The following COBL variants were observed in gnomAD, a reference collection of about 807,000 sequenced individuals.
COBL encodes the protein protein cordon-bleu.
A neutral mutation model predicts 98.8 loss-of-function variants in COBL; 51 were observed. That is an observed-to-expected ratio of 0.52 (90% CI 0.41 to 0.65). The LOEUF is 0.65. Among genes scored for constraint, COBL ranks in the 30% least tolerant of loss-of-function variants. The pLI is 0.00. For synonymous variants in COBL, 634 were observed against 651.7 expected (o/e 0.97, Z 0.41); for missense variants, 1,617 against 1,617.5 (o/e 1.00, Z 0.01).
Position 51,018,908 on chromosome 7 carries a change from ATATATATAT to A in COBL, c.3769-1349_3769-1341del, listed in dbSNP as rs1786613143. ...CTCCATCTCAAAAAAAAAAAAAAAT[ATATATATAT>A]ATATATATATATATATATATATATA... is the stretch of plus-strand genomic sequence containing the variant. On this transcript the variant is annotated intron_variant, in intron 12 of 12. Transcript: ENST00000265136. Among the ~76,000 whole-genome samples, 29 of 30,262 alleles carry A rather than the reference ATATATATAT, an allele frequency of 9.6e-4. 6 individuals carry two copies. The highest frequency in any genetic ancestry group is 2.3e-3 in the South Asian group (2 of 856). 19.9% of individuals were successfully genotyped at this position (30,262 alleles called of 152,430 possible).
Position 51,153,581 on chromosome 7 carries a change from T to C in COBL, c.784-17250A>G, listed in dbSNP as rs146319276. The stretch of plus-strand genomic sequence containing the variant: ...GCTCCGTGACCTACAATCTCATAGA[T>C]AGGCTTCTCTTCTCTTCTTTTACAC... On this transcript the variant is annotated intron_variant, in intron 5 of 12. Transcript: ENST00000265136. Among the ~76,000 whole-genome samples, 273 of 152,366 alleles carry C rather than the reference T, an allele frequency of 1.8e-3. 1 individual carries two copies. The highest frequency in any genetic ancestry group is 6.2e-3 in the African/African-American group (257 of 41,584).
intron 7 of COBL, among the ~76,000 whole-genome samples, chr7:51,084,181 G>C (rs555167764): frequency 9.2e-5 from 14 of 152,192 alleles, no homozygotes; most frequent in Admixed American, 2.6e-4. Context: ...TAAGGGGAAA[G>C]ACGCTGACAA....
At chr7:51,124,288 T>C (rs1185737172) in intron 6 of COBL, among the ~76,000 whole-genome samples, 1 of 152,154 alleles carries the variant, frequency 6.6e-6, no homozygotes, top group Non-Finnish European at 1.5e-5. Context: ...CACATGCAAT[T>C]TGTCTGGCAC....
chr7:51,147,925 G>A (rs1274667619), intron 5 of COBL, among the ~76,000 whole-genome samples: 1 of 151,400 alleles, frequency 6.6e-6, no homozygotes, highest in Non-Finnish European at 1.5e-5. Flanking sequence ...TAAGTTTTTT[G>A]CATTTTTATT....
chr7:51,017,586 TCA>T lies in COBL; in HGVS notation c.3769-20_3769-19del, dbSNP rs775168076. On this transcript the variant is annotated intron_variant, in intron 12 of 12. Transcript: ENST00000265136. ...AAGGGCACCTGCAGGGAAGAGAGAT[TCA>T]CAGTTATTTGGTATGTCAATAAGCC... 2.7e-5 allele frequency: 43 copies of T among 1,613,674 alleles called. No homozygotes were observed. The highest frequency in any genetic ancestry group is 3.3e-5 in the Non-Finnish European group (39 of 1,179,720).
At chr7:51,187,837 C>T in intron 4 of COBL, 4 of 1,115,378 alleles carry the variant, frequency 3.6e-6, no homozygotes, top group Non-Finnish European at 4.5e-6. Context: ...AAAACATCAC[C>T]TCTGTGCAGC....
chr7:51,049,351 A>G (rs1458231714), intron 7 of COBL, among the ~76,000 whole-genome samples: 1 of 152,174 alleles, frequency 6.6e-6, no homozygotes, highest in Non-Finnish European at 1.5e-5. Flanking sequence ...ATGAAGGAGA[A>G]GGAGGGCATC....
intron 7 of COBL, among the ~76,000 whole-genome samples, chr7:51,059,266 T>C (rs1791083296): frequency 3.9e-5 from 6 of 152,272 alleles, no homozygotes. Flanking sequence ...TTTTGGTCTT[T>C]ATTTCGATGT....
At chr7:51,316,488 G>C in intron 1 of COBL, 105 bp downstream of exon 1, 1 of 839,970 alleles carries the variant, frequency 1.2e-6, no homozygotes, top group Non-Finnish European at 1.6e-6. Flanking sequence ...AGCACCCGCT[G>C]GGGCGGCAGA....
chr7:51,263,616 G>C (rs773058821), intron 1 of COBL, among the ~76,000 whole-genome samples: 1 of 152,002 alleles, frequency 6.6e-6, no homozygotes, highest in Non-Finnish European at 1.5e-5. Context: ...AGTGCTTTTA[G>C]TTGAAGCTTT....
At chr7:51,105,621 T>G (rs1337314266) in intron 6 of COBL, among the ~76,000 whole-genome samples, 9 of 151,970 alleles carry the variant, frequency 5.9e-5, no homozygotes. Flanking sequence ...TGTGGTGACA[T>G]GCACCTGTGG....
chr7:51,016,828 G>T lies in COBL; in HGVS notation c.*723C>A. The T allele has an allele frequency of 2.5e-6, 1 of 397,972 alleles. No homozygotes were observed. Among genetic ancestry groups the T allele is most frequent in the South Asian group, 1.4e-4 (1 of 7,252 alleles). The allele number at this position is 397,972 out of a possible 1,614,324, so 24.7% of individuals were successfully genotyped here. A position where few individuals can be genotyped will look rare whatever the true frequency, so the allele number is the denominator to read the frequency against. On this transcript the variant is annotated 3_prime_UTR_variant, in exon 13 of 13. Coordinates refer to ENST00000265136, the MANE Select transcript of COBL (RefSeq NM_015198.5). ...TGCCCATCCACTCCAGTGGTGGTGT[G>T]ACCTCAGCCACCCGCCACCCTTGCA...
At chr7:51,297,582 G>A (rs1027598360) in intron 1 of COBL, among the ~76,000 whole-genome samples, 16 of 151,874 alleles carry the variant, frequency 1.1e-4, no homozygotes, top group East Asian at 1.9e-4. Context: ...TAGTAGAGAC[G>A]GGGTTTTGCC....
At chr7:51,201,481 A>G (rs568380960) in intron 2 of COBL, among the ~76,000 whole-genome samples, 1 of 152,318 alleles carries the variant, frequency 6.6e-6, no homozygotes, top group African/African-American at 2.4e-5. Flanking sequence ...GAAGGGAGAA[A>G]GAGACAGCAA....
At chr7:51,193,046 G>A (rs1232436036) in intron 3 of COBL, among the ~76,000 whole-genome samples, 1 of 152,048 alleles carries the variant, frequency 6.6e-6, no homozygotes, top group East Asian at 1.9e-4. Context: ...TTTTAAAAAA[G>A]CTGCATGCAG....
intron 2 of COBL, 120 bp downstream of exon 2, chr7:51,219,621 G>T: frequency 9.6e-7 from 1 of 1,045,320 alleles, no homozygotes. Context: ...ATATCCATGA[G>T]GTTCCTGAGG....
chr7:51,233,376 A>T (rs1794945228), intron 1 of COBL, among the ~76,000 whole-genome samples: 1 of 152,024 alleles, frequency 6.6e-6, no homozygotes. Flanking sequence ...AAGGATGGTG[A>T]TTTGCCTTCA....
At chr7:51,082,482 G>A (rs992765116) in intron 7 of COBL, among the ~76,000 whole-genome samples, 2 of 152,204 alleles carry the variant, frequency 1.3e-5, no homozygotes, top group Non-Finnish European at 2.9e-5. Context: ...CTCAAACAGG[G>A]TGTGCCAGGA....
chr7:51,187,331 T>TATAC (rs1554421096), intron 4 of COBL, among the ~76,000 whole-genome samples: 161 of 101,448 alleles, frequency 1.6e-3, no homozygotes, highest in African/African-American at 4.4e-3. Context: ...TATATATATA[T>TATAC]ACACACACAC....
Sources: gnomAD v4.1 joint callset for allele counts (sites outside exome capture counted in the v4.1 genomes callset) on GRCh38, gnomAD v4.1.1 for gene constraint, MANE v1.5 for transcripts, NCBI Gene and HGNC (gene_info 2026-07-23, HGNC 2026-07-21) for gene names.